Variants in SRGAP3 observed in about 807,000 individuals in gnomAD.
SRGAP3 encodes the protein SLIT-ROBO Rho GTPase-activating protein 3.
A neutral mutation model predicts 121.1 loss-of-function variants in SRGAP3; 39 were observed. That is an observed-to-expected ratio of 0.32 (90% CI 0.25 to 0.42). SRGAP3 has a LOEUF of 0.42. SRGAP3 is among the 10% of genes least tolerant of loss of function. SRGAP3 has a pLI of 1.00. For missense variants in SRGAP3, 1,213 were observed against 1,470.6 expected, an observed-to-expected ratio of 0.82 and a Z score of 2.86; for synonymous variants, 601 against 570.0, an observed-to-expected ratio of 1.05 and a Z score of -0.77.
At position 9,188,520 on chromosome 3, in the gene SRGAP3, C is replaced by T. The variant is rs567161845; in HGVS notation, c.67+60365G>A. Among the ~76,000 whole-genome samples the T allele has an allele frequency of 2.6e-5, 4 of 152,194 alleles. No homozygotes were observed. In the East Asian group the frequency reaches 7.7e-4, roughly 29 times the overall value. The stretch of plus-strand genomic sequence containing the variant: ...CAATCATCTGCCACATATGCCTTCT[C>T]CACCTTCTTATCCACTGACAGAATG... On this transcript the variant is annotated intron_variant, in intron 1 of 21. Transcript: ENST00000383836.
chr3:9,249,200 C>G lies in SRGAP3; in HGVS notation c.-249G>C. 1.8e-6 allele frequency: 1 copy of G among 570,452 alleles called. No homozygotes were observed. Among genetic ancestry groups the G allele is most frequent in the Non-Finnish European group, 3.1e-6 (1 of 319,408 alleles). 35.3% of individuals were successfully genotyped at this position (570,452 alleles called of 1,614,324 possible). ...AGCTCCTCTTGCAAAAGAAGAATCA[C>G]CCTAGGAGCACAGTAACCTGCCCCA... On this transcript the variant is annotated 5_prime_UTR_variant, in exon 1 of 22. Transcript: ENST00000383836.
At chr3:9,212,636 A>G (rs530192620) in intron 1 of SRGAP3, among the ~76,000 whole-genome samples, 1 of 152,254 alleles carries the variant, frequency 6.6e-6, no homozygotes, top group African/African-American at 2.4e-5. Context: ...AATCACTTGA[A>G]CCAGGGAGTC....
chr3:9,337,954 A>G (rs902129326), intron 1 of SRGAP3, among the ~76,000 whole-genome samples: 1 of 152,224 alleles, frequency 6.6e-6, no homozygotes, highest in Non-Finnish European at 1.5e-5. Flanking sequence ...TTTTTACTTA[A>G]CACCTATTAA....
chr3:9,241,003 A>C (rs1953616559), intron 1 of SRGAP3, among the ~76,000 whole-genome samples: 1 of 152,172 alleles, frequency 6.6e-6, no homozygotes, highest in Non-Finnish European at 1.5e-5. Context: ...CACTTCCCCC[A>C]CTGAAGGAAC....
chr3:9,228,914 T>C (rs898384637), intron 1 of SRGAP3, among the ~76,000 whole-genome samples: 1 of 149,176 alleles, frequency 6.7e-6, no homozygotes, highest in East Asian at 2.0e-4. Context: ...TACAAAAAAT[T>C]AGCCGGGCGC....
chr3:8,985,518 G>T lies in SRGAP3; in HGVS notation c.*1C>A, dbSNP rs752093030. The T allele has an allele frequency of 3.1e-6, 5 of 1,598,714 alleles. No homozygotes were observed. The Admixed American group carries it at 5.0e-5, about 16-fold the overall frequency. On this transcript the variant is annotated 3_prime_UTR_variant, in exon 22 of 22. Coordinates refer to ENST00000383836, the MANE Select transcript of SRGAP3 (RefSeq NM_014850.4). The surrounding 1 kb of genome is among the most constrained non-coding windows in gnomAD (Gnocchi z 5.1). The stretch of plus-strand genomic sequence containing the variant: ...CACGGCGGCGCGGCCCATCCTGCAG[G>T]TCACATGGTGCCCGACTTGTCCGCT...
chr3:9,062,743 G>T (rs189646571), intron 5 of SRGAP3, among the ~76,000 whole-genome samples: 91 of 152,306 alleles, frequency 6.0e-4, no homozygotes, highest in Non-Finnish European at 5.9e-5. Context: ...CCATCACATG[G>T]ATATACCACA....
At position 9,015,700 on chromosome 3, in the gene SRGAP3, T is replaced by C. The variant is rs1943602897; in HGVS notation, c.1710A>G (p.Glu570=). 1 of 1,614,122 alleles carries C rather than the reference T, an allele frequency of 6.2e-7. No homozygotes were observed. The highest frequency in any genetic ancestry group is 8.5e-7 in the Non-Finnish European group (1 of 1,180,050). ...GEDPLVDDQN[E]RDINSVAGVL... is the part of the protein sequence containing the mutation. Reference sequence around the variant, plus strand: ...CACCAGCGACTGAATTGATATCTCGTTCATTTTGATCGTCCACAAGGGGGT... The same window carrying C: ...CACCAGCGACTGAATTGATATCTCGCTCATTTTGATCGTCCACAAGGGGGT... The change falls in exon 15 of 22, where the codon GAA becomes GAG. Residue 570 remains glutamate (E), a synonymous_variant. Coordinates refer to ENST00000383836, the MANE Select transcript of SRGAP3 (RefSeq NM_014850.4).
chr3:9,212,870 T>G (rs1311773476), intron 1 of SRGAP3, among the ~76,000 whole-genome samples: 6 of 152,160 alleles, frequency 3.9e-5, no homozygotes, highest in Non-Finnish European at 7.3e-5. Context: ...CTGACTGGAA[T>G]AAAGTAGGTG....
chr3:9,333,152 T>G (rs1305779758), intron 1 of SRGAP3, among the ~76,000 whole-genome samples: 1 of 152,230 alleles, frequency 6.6e-6, no homozygotes, highest in African/African-American at 2.4e-5. Context: ...AGCTTGTTAT[T>G]ACTCTCGGAA....
chr3:9,137,365 G>T lies in SRGAP3; in HGVS notation c.68-12448C>A, dbSNP rs1267799156. ...TTTATCTGCTTGCAGCTTTCTAGGG[G>T]ATGGGGGAACACATATGCTGGGAAG... is the stretch of plus-strand genomic sequence containing the variant. On this transcript the variant is annotated intron_variant, in intron 1 of 21. Transcript: ENST00000383836. Among the ~76,000 whole-genome samples the T allele has an allele frequency of 2.6e-5, 4 of 152,320 alleles. No individual in the cohort carries two copies. In the East Asian group the frequency reaches 5.8e-4, roughly 22 times the overall value.
chr3:9,210,125 G>C (rs986807615), intron 1 of SRGAP3, among the ~76,000 whole-genome samples: 1 of 152,102 alleles, frequency 6.6e-6, no homozygotes, highest in African/African-American at 2.4e-5. Context: ...GCAGAAAATA[G>C]ACTGTGGTTG....
chr3:9,147,736 T>C (rs1459403228), intron 1 of SRGAP3, among the ~76,000 whole-genome samples: 1 of 152,222 alleles, frequency 6.6e-6, no homozygotes, highest in Non-Finnish European at 1.5e-5. Flanking sequence ...GGATGCATTC[T>C]GGCCCAGGTG....
At chr3:9,224,918 A>G (rs914486276) in intron 1 of SRGAP3, among the ~76,000 whole-genome samples, 2 of 152,200 alleles carry the variant, frequency 1.3e-5, no homozygotes, top group African/African-American at 4.8e-5. Context: ...AGACAGAGTC[A>G]AACAGCGTGG....
At chr3:9,173,050 C>T (rs1397790923) in intron 1 of SRGAP3, among the ~76,000 whole-genome samples, 1 of 152,184 alleles carries the variant, frequency 6.6e-6, no homozygotes, top group Non-Finnish European at 1.5e-5. Context: ...AGCCCCTAAG[C>T]ACTGTGCACC....
intron 1 of SRGAP3, among the ~76,000 whole-genome samples, chr3:9,151,294 G>T (rs989015956): frequency 1.3e-5 from 2 of 152,194 alleles, no homozygotes; most frequent in African/African-American, 4.8e-5. Context: ...GGGCACGGAG[G>T]TGGGGAGCCC....
At chr3:9,049,573 G>A (rs1945459476) in intron 9 of SRGAP3, 1 of 446,654 alleles carries the variant, frequency 2.2e-6, no homozygotes, top group Non-Finnish European at 4.5e-6. Context: ...AGTGTAAACT[G>A]AGAGTAGACT....
intron 2 of SRGAP3, among the ~76,000 whole-genome samples, chr3:9,112,876 C>T (rs977077935): frequency 1.3e-5 from 2 of 152,228 alleles, no homozygotes; most frequent in African/African-American, 2.4e-5. Flanking sequence ...CCCAGGCCAA[C>T]CTGGGCACAC....
intron 10 of SRGAP3, among the ~76,000 whole-genome samples, chr3:9,045,806 AC>A (rs1403955268): frequency 1.3e-5 from 2 of 152,176 alleles, no homozygotes. Context: ...GCAAGTAGCC[AC>A]CAACTCATAT....
Sources: gnomAD v4.1 joint callset for allele counts (sites outside exome capture counted in the v4.1 genomes callset) on GRCh38, gnomAD v4.1.1 for gene constraint, Gnocchi (gnomAD v3.1) non-coding constraint, MANE v1.5 for transcripts, NCBI Gene and HGNC (gene_info 2026-07-23, HGNC 2026-07-21) for gene names.